The following TNFRSF19 variants were observed in gnomAD, a reference collection of about 807,000 sequenced individuals.
TNFRSF19 encodes tumor necrosis factor receptor superfamily member 19.
In TNFRSF19, 27 loss-of-function variants were observed where a neutral mutation model predicts 46.4. The ratio of observed to expected loss-of-function variants is 0.58; its 90% CI spans 0.43 to 0.80. The LOEUF is 0.80. TNFRSF19 is among the 30% of genes least tolerant of loss of function. TNFRSF19 has a pLI of 0.00. For missense variants in TNFRSF19, 511 were observed against 530.8 expected (o/e 0.96, Z 0.37); for synonymous variants, 204 against 205.0 (o/e 1.00, Z 0.04).
At chr13:23,608,645 AT>A (rs1302576476) in intron 3 of TNFRSF19, among the ~76,000 whole-genome samples, 5 of 152,212 alleles carry the variant, frequency 3.3e-5, no homozygotes, top group Non-Finnish European at 5.9e-5. Context: ...TCTATCCAGT[AT>A]ACGAGCAACT....
intron 5 of TNFRSF19, among the ~76,000 whole-genome samples, chr13:23,633,483 G>A (rs1882479521): frequency 6.6e-6 from 1 of 152,174 alleles, no homozygotes; most frequent in Non-Finnish European, 1.5e-5. Context: ...GCTTATTGAG[G>A]TAAACAATTG....
intron 7 of TNFRSF19, among the ~76,000 whole-genome samples, chr13:23,662,863 T>C (rs992084723): frequency 6.6e-6 from 1 of 152,200 alleles, no homozygotes; most frequent in African/African-American, 2.4e-5. Context: ...TGTACGTAGA[T>C]TTTGTATCCT....
At chr13:23,600,045 C>G (rs773884689) in intron 3 of TNFRSF19, among the ~76,000 whole-genome samples, 8 of 152,180 alleles carry the variant, frequency 5.3e-5, no homozygotes, top group Non-Finnish European at 4.4e-5. Context: ...TGAATAGTTT[C>G]TAAGAAATTA....
chr13:23,644,095 A>G (rs530979009), intron 5 of TNFRSF19, among the ~76,000 whole-genome samples: 22 of 152,366 alleles, frequency 1.4e-4, no homozygotes, highest in African/African-American at 5.3e-4. Context: ...AAAAGGGCTG[A>G]TAATTAGGGC....
chr13:23,668,116 C>A lies in TNFRSF19; in HGVS notation c.839+34C>A, dbSNP rs553876781. The A allele has an allele frequency of 2.0e-6, 3 of 1,530,600 alleles. No homozygotes were observed. The East Asian group carries it at 6.9e-5, about 35-fold the overall frequency. 94.8% of individuals were successfully genotyped at this position (1,530,600 alleles called of 1,614,324 possible). A position where few individuals can be genotyped will look rare whatever the true frequency, so the allele number is the denominator to read the frequency against. The stretch of plus-strand genomic sequence containing the variant: ...GTGCTTTCAATCAATCATTTCATAA[C>A]CCCCTGTGCAAATATGCATTCTACT... On this transcript the variant is annotated intron_variant, in intron 8 of 9. Coordinates refer to ENST00000248484, the MANE Select transcript of TNFRSF19 (RefSeq NM_148957.4).
intron 5 of TNFRSF19, among the ~76,000 whole-genome samples, chr13:23,636,444 A>G (rs1264658974): frequency 6.6e-6 from 1 of 152,140 alleles, no homozygotes; most frequent in Non-Finnish European, 1.5e-5. Flanking sequence ...CAGGTTGTGA[A>G]TGATCTCCTC....
intron 5 of TNFRSF19, among the ~76,000 whole-genome samples, chr13:23,634,321 C>T (rs1882544758): frequency 6.6e-6 from 1 of 152,188 alleles, no homozygotes; most frequent in Non-Finnish European, 1.5e-5. Context: ...AGAACAGTAG[C>T]AGTTGATTAT....
At chr13:23,592,329 G>A (rs927598946) in intron 2 of TNFRSF19, among the ~76,000 whole-genome samples, 1 of 152,020 alleles carries the variant, frequency 6.6e-6, no homozygotes, top group Non-Finnish European at 1.5e-5. Flanking sequence ...TAGGGTAAGG[G>A]GTTGGACCAA....
intron 5 of TNFRSF19, among the ~76,000 whole-genome samples, chr13:23,637,413 A>C (rs1457232872): frequency 1.3e-5 from 2 of 152,252 alleles, no homozygotes; most frequent in Non-Finnish European, 2.9e-5. Flanking sequence ...ATTGTAAAAG[A>C]GGCAGTAATG....
At chr13:23,582,119 G>A (rs1878480124) in intron 1 of TNFRSF19, among the ~76,000 whole-genome samples, 1 of 151,074 alleles carries the variant, frequency 6.6e-6, no homozygotes, top group Admixed American at 6.6e-5. Context: ...GGTGGCTCAC[G>A]CCTGTAATCC....
chr13:23,671,027 C>G (rs983195124), intron 9 of TNFRSF19, among the ~76,000 whole-genome samples: 1 of 152,186 alleles, frequency 6.6e-6, no homozygotes, highest in Non-Finnish European at 1.5e-5. Context: ...GAGGTCATCC[C>G]GGAGCCAACT....
intron 3 of TNFRSF19, among the ~76,000 whole-genome samples, chr13:23,614,926 T>C (rs1221331909): frequency 1.3e-5 from 2 of 151,990 alleles, no homozygotes; most frequent in Admixed American, 6.6e-5. Context: ...ATGGGAAAAA[T>C]GGCAGTGCTG....
chr13:23,668,563 A>G, intron 8 of TNFRSF19, 129 bp from the exon 9 acceptor site: 9 of 1,103,286 alleles, frequency 8.2e-6, no homozygotes, highest in Non-Finnish European at 1.1e-5. Context: ...AACAATAGGA[A>G]ACACTAGAAT....
At chr13:23,586,109 T>C (rs920414167) in intron 1 of TNFRSF19, among the ~76,000 whole-genome samples, 7 of 151,006 alleles carry the variant, frequency 4.6e-5, no homozygotes, top group Non-Finnish European at 1.0e-4. Flanking sequence ...ATACAAAAAA[T>C]TATCCGGGCG....
intron 9 of TNFRSF19, 85 bp from the exon 10 acceptor site, chr13:23,673,287 G>T: frequency 6.9e-7 from 1 of 1,440,622 alleles, no homozygotes; most frequent in Non-Finnish European, 9.4e-7. Flanking sequence ...TAAAAGTTAT[G>T]CATAATAATT....
In TNFRSF19 at chr13:23,626,767, C is replaced by A; in HGVS notation, c.420C>A (p.Asp140Glu). Residue 140 changes from aspartate (D) to glutamate (E), a missense_variant, in exon 5 of 10, where the codon GAC becomes GAA. By Grantham distance (45) the Asp-to-Glu change is conservative (BLOSUM62 2). Coordinates refer to ENST00000248484, the MANE Select transcript of TNFRSF19 (RefSeq NM_148957.4). ...ACATGGAGTGTGTGCCTTGTGGAGACCCTCCTCCTCCTTACGAACCGCACT... is the reference window on the plus strand; with the variant it reads ...ACATGGAGTGTGTGCCTTGTGGAGAACCTCCTCCTCCTTACGAACCGCACT... ...FQDMECVPCG[D>E]PPPPYEPHCA... 5 of 1,614,094 alleles carry A rather than the reference C, an allele frequency of 3.1e-6. No homozygotes were observed. The highest frequency in any genetic ancestry group is 4.2e-6 in the Non-Finnish European group (5 of 1,180,000).
intron 3 of TNFRSF19, among the ~76,000 whole-genome samples, chr13:23,611,313 A>G (rs1880898549): frequency 6.6e-6 from 1 of 152,208 alleles, no homozygotes; most frequent in Non-Finnish European, 1.5e-5. Context: ...AATACAGCAC[A>G]GGCAAGTGGG....
In TNFRSF19 at chr13:23,590,154, C is replaced by G. The variant is rs778697485; in HGVS notation, c.-30C>G. 1 of 1,482,550 alleles carries G rather than the reference C, an allele frequency of 6.7e-7. No homozygotes were observed. Among genetic ancestry groups the G allele is most frequent in the Non-Finnish European group, 9.3e-7 (1 of 1,075,952 alleles). The allele number at this position is 1,482,550 out of a possible 1,614,324, so 91.8% of individuals were successfully genotyped here. A position where few individuals can be genotyped will look rare whatever the true frequency, so the allele number is the denominator to read the frequency against. On this transcript the variant is annotated 5_prime_UTR_variant, in exon 2 of 10. Coordinates refer to ENST00000248484, the MANE Select transcript of TNFRSF19 (RefSeq NM_148957.4). ...ATCTTCCTATCTTTTATTTAGAACT[C>G]TCCAACAATAAATACATTTGATAAG...
In TNFRSF19 at chr13:23,659,133, G is replaced by T. The variant is rs1412967412; in HGVS notation, c.529G>T (p.Ala177Ser). 4 of 1,613,946 alleles carry T rather than the reference G, an allele frequency of 2.5e-6. No individual in the cohort carries two copies. The highest frequency in any genetic ancestry group is 3.4e-6 in the Non-Finnish European group (4 of 1,180,052). Residue 177 changes from alanine (A) to serine (S), a missense_variant, in exon 6 of 10, where the codon GCT becomes TCT. Ala to Ser is a moderately conservative substitution (Grantham distance 99). Coordinates refer to ENST00000248484, the MANE Select transcript of TNFRSF19 (RefSeq NM_148957.4). This position sits in a 1 kb window ranked among gnomAD's most constrained non-coding sequence, Gnocchi z 4.9. ...GGCGCTGGCTGCCGTTATCTGCAGC[G>T]CTCTGGCCACCGTCCTGCTGGCCCT... ...DTALAAVICSALATVLLALLI... is the reference protein window; with the variant it reads ...DTALAAVICSSLATVLLALLI...
Sources: allele counts gnomAD v4.1 joint callset (sites outside exome capture counted in the v4.1 genomes callset), GRCh38; gene constraint gnomAD v4.1.1; non-coding constraint Gnocchi (gnomAD v3.1); transcripts MANE v1.5; gene names NCBI Gene and HGNC (gene_info 2026-07-23, HGNC 2026-07-21).